Variants in RGS22 observed in about 807,000 individuals in gnomAD.
RGS22 encodes the protein regulator of G protein signaling 22.
A neutral mutation model predicts 172.9 loss-of-function variants in RGS22; 148 were observed. That is an observed-to-expected ratio of 0.86 (90% confidence interval 0.75 to 0.98). The LOEUF is 0.98. RGS22 is among the 50% of genes least tolerant of loss of function. The pLI, the probability that RGS22 is intolerant of heterozygous loss-of-function variation, is 0.00. For synonymous variants in RGS22, 458 were observed against 480.2 expected, an observed-to-expected ratio of 0.95 and a Z score of 0.60; for missense variants, 1,347 against 1,440.8, an observed-to-expected ratio of 0.93 and a Z score of 1.05.
At chr8:99,991,282 A>T (rs1398534820) in intron 20 of RGS22, among the ~76,000 whole-genome samples, 2 of 152,212 alleles carry the variant, frequency 1.3e-5, no homozygotes, top group Non-Finnish European at 2.9e-5. Context: ...AGCTGACAGA[A>T]GTAGGCTTCA....
intron 9 of RGS22, among the ~76,000 whole-genome samples, chr8:100,061,421 T>C (rs1236903289): frequency 6.6e-6 from 1 of 151,926 alleles, no homozygotes; most frequent in Non-Finnish European, 1.5e-5. Context: ...CAAACGAAGA[T>C]CTAATATCCA....
At chr8:99,983,898 A>T (rs192118749) in intron 21 of RGS22, among the ~76,000 whole-genome samples, 54 of 152,326 alleles carry the variant, frequency 3.5e-4, no homozygotes, top group Admixed American at 2.6e-3. Context: ...CTTTATATAT[A>T]ATTTGGTATA....
At chr8:99,968,289 A>G (rs1032994866) in intron 23 of RGS22, among the ~76,000 whole-genome samples, 15 of 152,174 alleles carry the variant, frequency 9.9e-5, no homozygotes, top group Non-Finnish European at 2.1e-4. Flanking sequence ...CCAGCACAAA[A>G]AGGCTGAAAA....
At chr8:100,000,410 C>T (rs1470600287) in intron 18 of RGS22, among the ~76,000 whole-genome samples, 2 of 151,994 alleles carry the variant, frequency 1.3e-5, no homozygotes, top group Non-Finnish European at 2.9e-5. Flanking sequence ...AAAAGACTAC[C>T]TTGCTAATCA....
At chr8:100,079,849 C>T (rs182166522) in intron 4 of RGS22, among the ~76,000 whole-genome samples, 7 of 152,128 alleles carry the variant, frequency 4.6e-5, no homozygotes, top group Admixed American at 3.3e-4. Context: ...TTTTCAATAA[C>T]GCATCAAAAT....
At position 100,071,459 on chromosome 8, in the gene RGS22, C is replaced by G. The variant is rs1810970678; in HGVS notation, c.504G>C (p.Trp168Cys). 6.2e-7 allele frequency: 1 copy of G among 1,612,872 alleles called. No individual in the cohort carries two copies. Among genetic ancestry groups the G allele is most frequent in the East Asian group, 2.2e-5 (1 of 44,772 alleles). ...NFTVGSNFSPWIVKKPPSLPP... is the reference protein window; with the variant it reads ...NFTVGSNFSPCIVKKPPSLPP... ...GTAGACTGGGTGGTTTTTTCACGAT[C>G]CAGGGAGAAAAATTTGATCCTACTG... Residue 168 changes from tryptophan to cysteine, a missense_variant, in exon 6 of 28, where the codon TGG (tryptophan) becomes TGC (cysteine). By Grantham distance (215) the Trp-to-Cys change is radical. Transcript: ENST00000360863.
intron 2 of RGS22, among the ~76,000 whole-genome samples, chr8:100,100,231 A>C (rs1813357574): frequency 1.3e-5 from 2 of 152,272 alleles, no homozygotes; most frequent in South Asian, 4.1e-4. Flanking sequence ...TACCTAATAC[A>C]ATGTAAATGT....
At chr8:99,978,845 C>T (rs1365503288) in intron 22 of RGS22, among the ~76,000 whole-genome samples, 1 of 152,068 alleles carries the variant, frequency 6.6e-6, no homozygotes, top group Non-Finnish European at 1.5e-5. Flanking sequence ...TTACCTAATA[C>T]CCTGGAAAAA....
intron 3 of RGS22, among the ~76,000 whole-genome samples, chr8:100,081,617 T>C (rs912605289): frequency 1.3e-5 from 2 of 152,038 alleles, no homozygotes; most frequent in African/African-American, 2.4e-5. Flanking sequence ...AGTTGCCCAC[T>C]GCATCTGTCT....
intron 12 of RGS22, among the ~76,000 whole-genome samples, chr8:100,040,682 A>AGCTG (rs1456420179): frequency 2.0e-5 from 3 of 152,174 alleles, no homozygotes; most frequent in Non-Finnish European, 2.9e-5. Flanking sequence ...AAACACAGAA[A>AGCTG]GCTGGCTATT....
intron 14 of RGS22, among the ~76,000 whole-genome samples, chr8:100,016,609 C>G (rs1232882537): frequency 6.6e-6 from 1 of 151,974 alleles, no homozygotes; most frequent in Non-Finnish European, 1.5e-5. Flanking sequence ...AACCCTGTCT[C>G]TACTAAAAAT....
At chr8:100,043,789 C>A (rs1448769269) in intron 11 of RGS22, among the ~76,000 whole-genome samples, 12 of 150,742 alleles carry the variant, frequency 8.0e-5, no homozygotes, top group African/African-American at 2.9e-4. Context: ...AAACAAAAAA[C>A]AAAACAAAAC....
chr8:100,013,990 A>G (rs1816690922), intron 14 of RGS22, among the ~76,000 whole-genome samples: 1 of 152,176 alleles, frequency 6.6e-6, no homozygotes, highest in African/African-American at 2.4e-5. Flanking sequence ...GCTTATTTCT[A>G]ATCAATGCCA....
At chr8:100,094,453 TA>T (rs1173025441) in intron 2 of RGS22, among the ~76,000 whole-genome samples, 2 of 152,214 alleles carry the variant, frequency 1.3e-5, no homozygotes, top group Non-Finnish European at 2.9e-5. Context: ...ATATTGCACC[TA>T]CTTTGGAAAG....
intron 9 of RGS22, among the ~76,000 whole-genome samples, chr8:100,055,888 C>T (rs1302485512): frequency 6.6e-6 from 1 of 152,064 alleles, no homozygotes; most frequent in Admixed American, 6.6e-5. Flanking sequence ...TGAACTAATA[C>T]AGTAAATTGG....
At chr8:99,968,371 T>C (rs1343761516) in intron 23 of RGS22, among the ~76,000 whole-genome samples, 1 of 152,046 alleles carries the variant, frequency 6.6e-6, no homozygotes, top group Non-Finnish European at 1.5e-5. Flanking sequence ...CAAAACGGGA[T>C]GAAGAATGAG....
At chr8:100,098,734 C>T (rs1813179190) in intron 2 of RGS22, among the ~76,000 whole-genome samples, 1 of 151,990 alleles carries the variant, frequency 6.6e-6, no homozygotes, top group African/African-American at 2.4e-5. Context: ...TCTCTTTTCT[C>T]TTCCCTTTCC....
At chr8:100,082,025 T>C (rs1284254601) in intron 3 of RGS22, among the ~76,000 whole-genome samples, 1 of 151,274 alleles carries the variant, frequency 6.6e-6, no homozygotes, top group Non-Finnish European at 1.5e-5. Flanking sequence ...AAATAAAACA[T>C]TTCCTACTAA....
chr8:100,026,261 C>T (rs1818163631), intron 14 of RGS22, among the ~76,000 whole-genome samples: 2 of 152,186 alleles, frequency 1.3e-5, no homozygotes, highest in South Asian at 4.1e-4. Flanking sequence ...TGTCTCAGAT[C>T]ACCTAATAGG....
Sources: gnomAD v4.1 joint callset for allele counts (sites outside exome capture counted in the v4.1 genomes callset) on GRCh38, gnomAD v4.1.1 for gene constraint, MANE v1.5 for transcripts, NCBI Gene and HGNC (gene_info 2026-07-23, HGNC 2026-07-21) for gene names.